SCYL2: variants seen among roughly 807,000 people sequenced by gnomAD.
The protein encoded by SCYL2 is SCY1 like pseudokinase 2.
SCYL2 carries 36 observed loss-of-function variants against 100.4 expected under a neutral mutation model. The observed-to-expected ratio is 0.36, with a 90% CI of 0.27 to 0.47. The LOEUF (loss-of-function observed/expected upper bound fraction) is 0.47, where lower values mean the gene tolerates loss of function less well. Among genes scored for constraint, SCYL2 ranks in the 20% least tolerant of loss-of-function variants. SCYL2 has a pLI of 1.00. For synonymous variants in SCYL2, 330 were observed against 359.2 expected (o/e 0.92, Z 0.92); for missense variants, 902 against 1,083.9 (o/e 0.83, Z 2.36).
At chr12:100,297,249 G>T (rs1408072863) in intron 3 of SCYL2, among the ~76,000 whole-genome samples, 1 of 152,124 alleles carries the variant, frequency 6.6e-6, no homozygotes, top group Non-Finnish European at 1.5e-5. Flanking sequence ...CCTTCAAGGT[G>T]GGTCTATTAT....
intron 2 of SCYL2, among the ~76,000 whole-genome samples, chr12:100,286,543 G>T (rs116229431): frequency 0.011 from 1,662 of 151,978 alleles, 37 homozygotes; most frequent in African/African-American, 0.038. Context: ...TGATAGTTTT[G>T]CCCTACTTCA....
In SCYL2 at chr12:100,267,735, T is replaced by C. The variant is rs1260068865; in HGVS notation, c.-86T>C. 6.6e-6 allele frequency: 1 copy of C among 151,986 alleles called. No homozygotes were observed. Among genetic ancestry groups the C allele is most frequent in the Non-Finnish European group, 1.5e-5 (1 of 68,086 alleles). 9.4% of individuals were successfully genotyped at this position (151,986 alleles called of 1,614,324 possible). ...CCCCATGCCGGCTCGAGAGCTCGGGTTTCGGTGGTGGAGAACGTAGTACCT... is the reference window on the plus strand; with the variant it reads ...CCCCATGCCGGCTCGAGAGCTCGGGCTTCGGTGGTGGAGAACGTAGTACCT... On this transcript the variant is annotated 5_prime_UTR_variant, in exon 1 of 18. Transcript: ENST00000360820.
At chr12:100,294,395 C>CCCAT (rs2096315017) in intron 3 of SCYL2, among the ~76,000 whole-genome samples, 1 of 118,430 alleles carries the variant, frequency 8.4e-6, no homozygotes, top group Non-Finnish European at 1.8e-5. Flanking sequence ...GACCCCCCCA[C>CCCAT]CTCCCTCCCG....
chr12:100,335,222 T>A (rs1952260763), intron 14 of SCYL2, among the ~76,000 whole-genome samples: 2 of 152,146 alleles, frequency 1.3e-5, no homozygotes, highest in Non-Finnish European at 2.9e-5. Context: ...AAATCTTACC[T>A]ATTTCTCAGG....
At chr12:100,326,495 A>C (rs528530404) in intron 11 of SCYL2, 127 bp from the exon 12 acceptor site, 1 of 630,848 alleles carries the variant, frequency 1.6e-6, no homozygotes, top group South Asian at 3.0e-5. Flanking sequence ...AAAGGATGAG[A>C]GCTTCTAAAT....
In SCYL2 at chr12:100,334,075, ATAT is replaced by A. The variant is rs1952244718; in HGVS notation, c.1762-87_1762-85del. On this transcript the variant is annotated intron_variant, in intron 13 of 17. Coordinates refer to ENST00000360820, the MANE Select transcript of SCYL2 (RefSeq NM_017988.6). The stretch of plus-strand genomic sequence containing the variant: ...CCTATTCTACTGGTAAAAATGGAGA[ATAT>A]TATGATTAATTTACTGAATTATCTT... 9 of 752,612 alleles carry A rather than the reference ATAT, an allele frequency of 1.2e-5. No homozygotes were observed. The East Asian group carries it at 2.1e-4, about 17-fold the overall frequency. 46.6% of individuals were successfully genotyped at this position (752,612 alleles called of 1,614,324 possible).
intron 1 of SCYL2, among the ~76,000 whole-genome samples, chr12:100,278,770 C>T (rs2096295141): frequency 6.6e-6 from 1 of 151,814 alleles, no homozygotes; most frequent in Non-Finnish European, 1.5e-5. Context: ...GCTGGGACTA[C>T]AGGCGCGTAC....
chr12:100,291,738 C>A, intron 3 of SCYL2, 78 bp downstream of exon 3: 1 of 1,365,054 alleles, frequency 7.3e-7, no homozygotes, highest in Middle Eastern at 1.9e-4. Flanking sequence ...AAATCTGTTT[C>A]AAGTATTGTC....
At chr12:100,336,413 T>TA (rs1566374076) in intron 16 of SCYL2, among the ~76,000 whole-genome samples, 5 of 151,886 alleles carry the variant, frequency 3.3e-5, no homozygotes, top group African/African-American at 1.2e-4. Flanking sequence ...ACTTTTATAG[T>TA]CCATCAGATT....
At chr12:100,330,001 A>G (rs762131128) in intron 13 of SCYL2, among the ~76,000 whole-genome samples, 9 of 152,188 alleles carry the variant, frequency 5.9e-5, no homozygotes, top group Non-Finnish European at 1.2e-4. Context: ...AGTCCCTTGT[A>G]ATCAAGGAAG....
chr12:100,325,324 C>T (rs1223946668), intron 11 of SCYL2, among the ~76,000 whole-genome samples: 1 of 152,106 alleles, frequency 6.6e-6, no homozygotes, highest in Non-Finnish European at 1.5e-5. Context: ...AATTGCTGCC[C>T]AGTTATATGT....
Position 100,335,816 on chromosome 12 carries a change from T to A in SCYL2, c.1935T>A (p.Ile645=). ...MKVTNIGNQQ[I]DKVFNNIGAD... Reference sequence around the variant, plus strand: ...TTGACATTTTTCTATTTCAGCAAATTGACAAAGTTTTTAACAACATTGGAG... The same window carrying A: ...TTGACATTTTTCTATTTCAGCAAATAGACAAAGTTTTTAACAACATTGGAG... The change falls in exon 16 of 18, where the codon ATT becomes ATA. Residue 645 remains isoleucine, a synonymous_variant. Coordinates refer to ENST00000360820, the MANE Select transcript of SCYL2 (RefSeq NM_017988.6). 6.2e-6 allele frequency: 10 copies of A among 1,612,476 alleles called. No individual in the cohort carries two copies. Among genetic ancestry groups the A allele is most frequent in the Non-Finnish European group, 8.5e-6 (10 of 1,179,002 alleles).
intron 1 of SCYL2, among the ~76,000 whole-genome samples, chr12:100,271,137 A>G (rs2096287163): frequency 6.6e-6 from 1 of 151,986 alleles, no homozygotes; most frequent in Admixed American, 6.6e-5. Context: ...CAGTTTTTGA[A>G]AACTTTCTTT....
At chr12:100,320,738 TA>T (rs973000601) in intron 10 of SCYL2, among the ~76,000 whole-genome samples, 1 of 152,066 alleles carries the variant, frequency 6.6e-6, no homozygotes, top group Non-Finnish European at 1.5e-5. Flanking sequence ...CGCTTTTTAA[TA>T]ATACAGGTGT....
intron 1 of SCYL2, among the ~76,000 whole-genome samples, chr12:100,271,260 C>CAAAAAAAAAAAA (rs11354103): frequency 2.4e-5 from 2 of 83,310 alleles, no homozygotes; most frequent in African/African-American, 1.0e-4. Flanking sequence ...TGCAGAGCAG[C>CAAAAAAAAAAAA]AAAAAAAAAA....
chr12:100,329,865 A>G (rs1952187047), intron 13 of SCYL2, among the ~76,000 whole-genome samples: 1 of 152,196 alleles, frequency 6.6e-6, no homozygotes, highest in South Asian at 2.1e-4. Flanking sequence ...TGTTGTACTT[A>G]GGGCCTCCAT....
At chr12:100,323,431 A>G in intron 10 of SCYL2, 94 bp from the exon 11 acceptor site, 1 of 724,440 alleles carries the variant, frequency 1.4e-6, no homozygotes, top group Non-Finnish European at 2.4e-6. Context: ...TTCAAACTAT[A>G]TGACAGTTTA....
Position 100,313,463 on chromosome 12 carries a change from G to A in SCYL2, c.894G>A (p.Glu298=). The change falls in exon 7 of 18, where the codon GAG becomes GAA. Residue 298 remains glutamate, a synonymous_variant. Transcript: ENST00000360820. Reference sequence around the variant, plus strand: ...CTAGTTCACTTACAAATATACCTGAGGAAGTTCGTGAACATGTAAAGCTAC... The same window carrying A: ...CTAGTTCACTTACAAATATACCTGAAGAAGTTCGTGAACATGTAAAGCTAC... ...LGSSSLTNIP[E]EVREHVKLLL... 6.2e-7 allele frequency: 1 copy of A among 1,607,840 alleles called. No individual in the cohort carries two copies.
chr12:100,335,141 A>T (rs1203992142), intron 14 of SCYL2, among the ~76,000 whole-genome samples: 2 of 152,126 alleles, frequency 1.3e-5, no homozygotes, highest in Non-Finnish European at 2.9e-5. Context: ...TATAGGTAGA[A>T]ATAAATTTTT....
Sources: allele counts gnomAD v4.1 joint callset (sites outside exome capture counted in the v4.1 genomes callset), GRCh38; gene constraint gnomAD v4.1.1; transcripts MANE v1.5; gene names NCBI Gene and HGNC (gene_info 2026-07-23, HGNC 2026-07-21).